The following SIPA1L2 variants were observed in gnomAD, a reference collection of about 807,000 sequenced individuals.
SIPA1L2 encodes the protein signal induced proliferation associated 1 like 2.
Under a neutral mutation model 163.9 loss-of-function variants are expected in SIPA1L2, and 56 were observed. The observed-to-expected ratio is 0.34, with a 90% confidence interval of 0.28 to 0.43. SIPA1L2 has a LOEUF of 0.43. Among genes scored for constraint, SIPA1L2 ranks in the 20% least tolerant of loss-of-function variants. The pLI is 1.00. For missense variants in SIPA1L2, 1,974 were observed against 2,193.5 expected (o/e 0.90, Z 2.00); for synonymous variants, 877 against 865.7 (o/e 1.01, Z -0.23).
intron 2 of SIPA1L2, among the ~76,000 whole-genome samples, chr1:232,572,777 A>T (rs112029460): frequency 0.25 from 17,689 of 72,006 alleles, 1,821 homozygotes; most frequent in African/African-American, 0.31. Flanking sequence ...ATATATATAT[A>T]TATTTATTTA....
chr1:232,415,215 A>G (rs1466050030), intron 19 of SIPA1L2, among the ~76,000 whole-genome samples: 1 of 152,162 alleles, frequency 6.6e-6, no homozygotes, highest in Non-Finnish European at 1.5e-5. Context: ...CAGATAGGAA[A>G]CAGAGGTCCC....
At chr1:232,535,906 T>C (rs1657276531) in intron 2 of SIPA1L2, among the ~76,000 whole-genome samples, 1 of 152,192 alleles carries the variant, frequency 6.6e-6, no homozygotes, top group African/African-American at 2.4e-5. Flanking sequence ...TAAAAGAGAT[T>C]TAATGTTCCA....
intron 2 of SIPA1L2, among the ~76,000 whole-genome samples, chr1:232,535,539 T>G (rs1657250304): frequency 2.0e-5 from 3 of 152,216 alleles, no homozygotes. Context: ...AGTAAAATTC[T>G]CTAGAAAAGT....
rs923409266 is a variant in SIPA1L2, at chr1:232,587,235, T to A, written c.-318-13013A>T. Among the ~76,000 whole-genome samples the A allele has an allele frequency of 2.7e-4, 41 of 152,260 alleles. 1 individual carries two copies. The highest frequency in any genetic ancestry group is 9.4e-4 in the African/African-American group (39 of 41,538). ...ATACACCAGGTACAGATTTAGATGT[T>A]CAGGACACAGGAGTCAACAGCCCCA... On this transcript the variant is annotated intron_variant, in intron 1 of 22. Transcript: ENST00000674635.
intron 2 of SIPA1L2, among the ~76,000 whole-genome samples, chr1:232,549,688 A>G (rs530427708): frequency 6.6e-6 from 1 of 152,170 alleles, no homozygotes; most frequent in Admixed American, 6.5e-5. Flanking sequence ...GAGGAGAGGA[A>G]TCTGAGGCAC....
intron 1 of SIPA1L2, among the ~76,000 whole-genome samples, chr1:232,627,744 T>C (rs1288753218): frequency 1.3e-5 from 2 of 152,210 alleles, no homozygotes; most frequent in Non-Finnish European, 1.5e-5. Flanking sequence ...CTGTGGCCCA[T>C]ACTAAAAGCC....
chr1:232,545,476 T>C (rs953571178), intron 2 of SIPA1L2, among the ~76,000 whole-genome samples: 18 of 152,262 alleles, frequency 1.2e-4, no homozygotes, highest in African/African-American at 4.3e-4. Context: ...ATTACAAAAC[T>C]ATAGGACTGA....
intron 2 of SIPA1L2, among the ~76,000 whole-genome samples, chr1:232,528,276 C>T (rs1573032164): frequency 6.6e-6 from 1 of 152,018 alleles, no homozygotes; most frequent in East Asian, 1.9e-4. Context: ...ACACTTCTCT[C>T]CATTAAACAG....
Position 232,514,995 on chromosome 1 carries a change from C to A in SIPA1L2, c.345G>T (p.Gln115His). 6.2e-7 allele frequency: 1 copy of A among 1,614,188 alleles called. No homozygotes were observed. The highest frequency in any genetic ancestry group is 8.5e-7 in the Non-Finnish European group (1 of 1,180,034). The change falls in exon 3 of 23, where the codon CAG becomes CAT. Residue 115 changes from glutamine to histidine, a missense_variant. Coordinates refer to ENST00000674635, the MANE Select transcript of SIPA1L2 (RefSeq NM_020808.5). Reference protein sequence around the residue: ...TSYESITSVLQNGQSDQSEGQ... With the variant: ...TSYESITSVLHNGQSDQSEGQ... ...CTTCACTCTGGTCACTCTGCCCATT[C>A]TGCAGGACAGAAGTGATGCTTTCAT...
At chr1:232,536,290 A>C (rs545600931) in intron 2 of SIPA1L2, among the ~76,000 whole-genome samples, 1 of 152,320 alleles carries the variant, frequency 6.6e-6, no homozygotes, top group African/African-American at 2.4e-5. Flanking sequence ...GTAACCATGA[A>C]GCAGAATATT....
chr1:232,442,552 G>GAAAAAAAAAAAAA (rs59025710), intron 12 of SIPA1L2, among the ~76,000 whole-genome samples: 2 of 74,730 alleles, frequency 2.7e-5, no homozygotes, highest in African/African-American at 9.8e-5. Flanking sequence ...CATCTCAAAA[G>GAAAAAAAAAAAAA]AAAAAAAAAA....
intron 2 of SIPA1L2, among the ~76,000 whole-genome samples, chr1:232,563,508 A>C (rs1228667397): frequency 6.6e-6 from 1 of 152,172 alleles, no homozygotes; most frequent in Non-Finnish European, 1.5e-5. Flanking sequence ...ATAGACAAGA[A>C]GGTCTGTTGT....
intron 10 of SIPA1L2, 72 bp downstream of exon 10, chr1:232,460,815 G>A: frequency 6.5e-7 from 1 of 1,542,010 alleles, no homozygotes; most frequent in Non-Finnish European, 8.8e-7. Flanking sequence ...GACCTTGCAG[G>A]AGCACTGAGG....
intron 2 of SIPA1L2, among the ~76,000 whole-genome samples, chr1:232,568,771 G>A (rs1486781587): frequency 6.6e-6 from 1 of 152,074 alleles, no homozygotes; most frequent in Non-Finnish European, 1.5e-5. Flanking sequence ...ACACCAAAAT[G>A]CACATGTCTA....
chr1:232,608,802 G>C (rs1380923723), intron 1 of SIPA1L2, among the ~76,000 whole-genome samples: 1 of 152,020 alleles, frequency 6.6e-6, no homozygotes, highest in Non-Finnish European at 1.5e-5. Context: ...CAGTGGCCAA[G>C]CAAGTGCCAG....
At chr1:232,490,673 A>G in intron 5 of SIPA1L2, 2 of 514,610 alleles carry the variant, frequency 3.9e-6, no homozygotes, top group South Asian at 7.2e-5. Flanking sequence ...AAAAATCACA[A>G]CTCAGCAGGA....
chr1:232,542,382 T>G (rs565038651), intron 2 of SIPA1L2, among the ~76,000 whole-genome samples: 1 of 152,318 alleles, frequency 6.6e-6, no homozygotes, highest in South Asian at 2.1e-4. Flanking sequence ...GTAGCTCAAA[T>G]AAGATGCATT....
chr1:232,415,789 C>T, intron 18 of SIPA1L2, 164 bp from the exon 19 acceptor site: 1 of 738,490 alleles, frequency 1.4e-6, no homozygotes, highest in South Asian at 1.7e-5. Context: ...CACCACTGTC[C>T]CTCCCAGAGT....
At chr1:232,595,579 C>A (rs756343086) in intron 1 of SIPA1L2, among the ~76,000 whole-genome samples, 1 of 152,104 alleles carries the variant, frequency 6.6e-6, no homozygotes, top group Non-Finnish European at 1.5e-5. Context: ...TCATTCCACC[C>A]GACTCAAACT....
Sources: allele counts gnomAD v4.1 joint callset (sites outside exome capture counted in the v4.1 genomes callset), GRCh38; gene constraint gnomAD v4.1.1; transcripts MANE v1.5; gene names NCBI Gene and HGNC (gene_info 2026-07-23, HGNC 2026-07-21).